AP1B1: variants seen among roughly 807,000 people sequenced by gnomAD.
AP1B1 encodes adaptor related protein complex 1 subunit beta 1.
A neutral mutation model predicts 104.3 loss-of-function variants in AP1B1; 36 were observed. That is an observed-to-expected ratio of 0.35 (90% CI 0.26 to 0.46). The LOEUF (loss-of-function observed/expected upper bound fraction) is 0.46, where lower values mean the gene tolerates loss of function less well. Ranked by LOEUF, AP1B1 falls within the 20% of genes least tolerant of loss-of-function variation. The pLI, the probability that AP1B1 is intolerant of heterozygous loss-of-function variation, is 1.00. For synonymous variants in AP1B1, 504 were observed against 517.5 expected (o/e 0.97, Z 0.35); for missense variants, 901 against 1,247.9 (o/e 0.72, Z 4.19).
At chr22:29,329,539 G>A (rs2061525425) in intron 22 of AP1B1, 173 bp downstream of exon 22, 1 of 1,470,514 alleles carries the variant, frequency 6.8e-7, no homozygotes, top group African/African-American at 1.4e-5. Flanking sequence ...TGCACACTGT[G>A]AATGTGTGGA....
chr22:29,345,626 TC>T (rs2061781218), intron 11 of AP1B1, among the ~76,000 whole-genome samples: 1 of 151,288 alleles, frequency 6.6e-6, no homozygotes, highest in African/African-American at 2.4e-5. Context: ...TGCCTCGGCC[TC>T]CCAAAGTGCT....
In AP1B1 at chr22:29,354,782, A is replaced by G; in HGVS notation, c.806T>C (p.Met269Thr). 6.2e-7 allele frequency: 1 copy of G among 1,614,084 alleles called. No homozygotes were observed. The highest frequency in any genetic ancestry group is 1.1e-5 in the South Asian group (1 of 91,072). Residue 269 changes from methionine to threonine, a missense_variant, in exon 7 of 23, where the codon ATG becomes ACG. This residue lies in a region of AP1B1 where 471 missense variants were observed against 696.7 expected (regional missense o/e 0.68). Transcript: ENST00000357586. The stretch of plus-strand genomic sequence containing the variant: ...GTAGTAGTCCAAGTCCTTAGACAAC[A>G]TCTCCATGAACTTCATCAGCACCTT... ...AVKVLMKFME[M>T]LSKDLDYYGT...
intron 2 of AP1B1, among the ~76,000 whole-genome samples, chr22:29,365,121 G>A (rs557419707): frequency 1.8e-4 from 27 of 152,212 alleles, no homozygotes; most frequent in Non-Finnish European, 3.4e-4. Flanking sequence ...GGCTGTGAGA[G>A]GCTCAGTAAC....
intron 16 of AP1B1, among the ~76,000 whole-genome samples, chr22:29,338,060 T>C (rs2061663173): frequency 6.6e-6 from 1 of 152,186 alleles, no homozygotes; most frequent in Admixed American, 6.5e-5. Context: ...CTTGGGGGTG[T>C]GCCCTAGGTG....
At chr22:29,352,666 T>G (rs4823032) in intron 7 of AP1B1, among the ~76,000 whole-genome samples, 2 of 152,142 alleles carry the variant, frequency 1.3e-5, no homozygotes, top group African/African-American at 4.8e-5. Flanking sequence ...CAGCAGCTCA[T>G]GCCTGTCATC....
At chr22:29,378,531 C>CAA (rs1569167099) in intron 1 of AP1B1, among the ~76,000 whole-genome samples, 19 of 112,334 alleles carry the variant, frequency 1.7e-4, no homozygotes, top group South Asian at 9.4e-4. Context: ...CCAGCCTGGG[C>CAA]GAGAGAAAGA....
intron 2 of AP1B1, among the ~76,000 whole-genome samples, chr22:29,366,179 C>T (rs1455215602): frequency 6.6e-6 from 1 of 152,162 alleles, no homozygotes; most frequent in African/African-American, 2.4e-5. Context: ...CGACGACATC[C>T]TCCATTTCCT....
intron 21 of AP1B1, chr22:29,329,992 T>C: frequency 1.4e-6 from 2 of 1,413,752 alleles, no homozygotes; most frequent in Non-Finnish European, 1.8e-6. Flanking sequence ...CAGGTCTACC[T>C]CAAAGGCTGG....
At chr22:29,330,795 C>T (rs2061546363) in intron 19 of AP1B1, 86 bp from the exon 20 acceptor site, 4 of 1,149,146 alleles carry the variant, frequency 3.5e-6, no homozygotes, top group Non-Finnish European at 5.0e-6. Flanking sequence ...TGGGTCTGGC[C>T]TTTACTGTGC....
At chr22:29,354,923 T>A in intron 6 of AP1B1, 52 bp from the exon 7 acceptor site, 2 of 1,534,212 alleles carry the variant, frequency 1.3e-6, no homozygotes, top group Admixed American at 3.4e-5. Context: ...GGGGAAACAT[T>A]CTGTTTTTAG....
intron 1 of AP1B1, among the ~76,000 whole-genome samples, chr22:29,382,492 C>A (rs1034718476): frequency 1.3e-5 from 2 of 152,148 alleles, no homozygotes; most frequent in Non-Finnish European, 1.5e-5. Flanking sequence ...AAATCCTTCC[C>A]TACATGGAGT....
intron 9 of AP1B1, 41 bp from the exon 10 acceptor site, chr22:29,350,191 C>T: frequency 1.3e-6 from 2 of 1,532,402 alleles, no homozygotes; most frequent in Non-Finnish European, 1.8e-6. Flanking sequence ...TCCCCGCACC[C>T]CATTTCCAGT....
At chr22:29,356,078 C>T (rs543565039) in intron 6 of AP1B1, among the ~76,000 whole-genome samples, 15 of 152,216 alleles carry the variant, frequency 9.9e-5, no homozygotes, top group Non-Finnish European at 1.8e-4. Context: ...ATTAAAGACT[C>T]TAAAGTGTGG....
At chr22:29,358,074 C>T (rs766090752) in intron 5 of AP1B1, among the ~76,000 whole-genome samples, 4 of 152,150 alleles carry the variant, frequency 2.6e-5, no homozygotes, top group East Asian at 1.9e-4. Context: ...CTGTACTGGC[C>T]GCTCAGTACT....
At chr22:29,385,287 G>A (rs1027744112) in intron 1 of AP1B1, among the ~76,000 whole-genome samples, 1 of 152,204 alleles carries the variant, frequency 6.6e-6, no homozygotes, top group African/African-American at 2.4e-5. Context: ...TTGGGAGGCT[G>A]AGGCAGGAGG....
At chr22:29,364,575 C>T (rs1209730908) in intron 2 of AP1B1, among the ~76,000 whole-genome samples, 1 of 152,056 alleles carries the variant, frequency 6.6e-6, no homozygotes, top group African/African-American at 2.4e-5. Flanking sequence ...TGCGCCATCA[C>T]ACCCAGCTAA....
At chr22:29,364,437 G>A (rs1453999013) in intron 2 of AP1B1, among the ~76,000 whole-genome samples, 2 of 152,048 alleles carry the variant, frequency 1.3e-5, no homozygotes, top group Non-Finnish European at 2.9e-5. Context: ...TTATTTTTTT[G>A]AGACAGAGTC....
At chr22:29,337,638 G>C (rs2061657010) in intron 16 of AP1B1, among the ~76,000 whole-genome samples, 1 of 152,132 alleles carries the variant, frequency 6.6e-6, no homozygotes. Flanking sequence ...GGCCTGGTTG[G>C]TCCCCTCTGG....
chr22:29,380,925 A>G lies in AP1B1; in HGVS notation c.-28+7499T>C, dbSNP rs553504182. ...AGTCCCTACCATGGCCTCATAGCCC[A>G]CAGGTCCTATAAGAGATGCATGCCC... On this transcript the variant is annotated intron_variant, in intron 1 of 22. Transcript: ENST00000357586. Among the ~76,000 whole-genome samples the G allele has an allele frequency of 2.0e-5, 3 of 152,314 alleles. No individual in the cohort carries two copies. The South Asian group carries it at 6.2e-4, about 32-fold the overall frequency.
Sources: gnomAD v4.1 joint callset for allele counts (sites outside exome capture counted in the v4.1 genomes callset) on GRCh38, gnomAD v4.1.1 for gene constraint, gnomAD v4.1.1 regional missense constraint, MANE v1.5 for transcripts, NCBI Gene and HGNC (gene_info 2026-07-23, HGNC 2026-07-21) for gene names.